The following GFRA1 variants were observed in gnomAD, a reference collection of about 807,000 sequenced individuals.
The protein encoded by GFRA1 is GDNF family receptor alpha 1.
In GFRA1, 16 loss-of-function variants were observed where a neutral mutation model predicts 51.6. That is an observed-to-expected ratio of 0.31 (90% CI 0.21 to 0.47). GFRA1 has a LOEUF of 0.47. Among genes scored for constraint, GFRA1 ranks in the 20% least tolerant of loss-of-function variants. GFRA1 has a pLI of 1.00. For missense variants in GFRA1, 530 were observed against 594.3 expected, an observed-to-expected ratio of 0.89 and a Z score of 1.13; for synonymous variants, 270 against 241.3, an observed-to-expected ratio of 1.12 and a Z score of -1.10.
intron 5 of GFRA1, among the ~76,000 whole-genome samples, chr10:116,197,806 G>A (rs1964013563): frequency 6.6e-6 from 1 of 152,198 alleles, no homozygotes; most frequent in Non-Finnish European, 1.5e-5. Context: ...CTCTGAGGAT[G>A]TGACTGCCTA....
intron 4 of GFRA1, among the ~76,000 whole-genome samples, chr10:116,231,500 G>A (rs1159289403): frequency 6.6e-6 from 1 of 152,140 alleles, no homozygotes; most frequent in African/African-American, 2.4e-5. Context: ...ATCTCATTTT[G>A]AATTCAAATT....
intron 4 of GFRA1, among the ~76,000 whole-genome samples, chr10:116,262,938 G>C (rs1441831878): frequency 6.6e-6 from 1 of 152,134 alleles, no homozygotes; most frequent in Non-Finnish European, 1.5e-5. Flanking sequence ...CTTAAGCACA[G>C]GAAAAGCTCC....
chr10:116,086,273 C>T (rs1445636031), intron 9 of GFRA1, among the ~76,000 whole-genome samples: 2 of 152,260 alleles, frequency 1.3e-5, no homozygotes, highest in South Asian at 2.1e-4. Flanking sequence ...AACACCCCAC[C>T]CCCAAGGAAG....
intron 5 of GFRA1, among the ~76,000 whole-genome samples, chr10:116,148,065 TGC>T (rs1309859656): frequency 1.1e-4 from 10 of 94,014 alleles, no homozygotes; most frequent in Non-Finnish European, 2.2e-4. Context: ...CATGTGTGCA[TGC>T]GTGTGTGCAT....
intron 5 of GFRA1, among the ~76,000 whole-genome samples, chr10:116,133,165 A>T (rs539004121): frequency 1.6e-4 from 24 of 152,060 alleles, no homozygotes; most frequent in Non-Finnish European, 3.2e-4. Context: ...GGGGGAGTGC[A>T]TATGCGAGTG....
chr10:116,188,554 C>A (rs541796352), intron 5 of GFRA1, among the ~76,000 whole-genome samples: 3 of 152,146 alleles, frequency 2.0e-5, no homozygotes, highest in Admixed American at 6.5e-5. Flanking sequence ...GATGGCTGCA[C>A]AACAATGTGA....
chr10:116,149,516 T>TC (rs533180135), intron 5 of GFRA1, among the ~76,000 whole-genome samples: 1 of 152,002 alleles, frequency 6.6e-6, no homozygotes, highest in Non-Finnish European at 1.5e-5. Flanking sequence ...GAAGATACAT[T>TC]CCCCCCTGTA....
intron 6 of GFRA1, among the ~76,000 whole-genome samples, chr10:116,098,426 A>G (rs1346303078): frequency 6.6e-6 from 1 of 152,256 alleles, no homozygotes; most frequent in Non-Finnish European, 1.5e-5. Flanking sequence ...GGAAATCCCT[A>G]AAGATGGCTC....
At chr10:116,177,271 A>G (rs1297364124) in intron 5 of GFRA1, among the ~76,000 whole-genome samples, 4 of 152,206 alleles carry the variant, frequency 2.6e-5, no homozygotes, top group Non-Finnish European at 5.9e-5. Context: ...GTGACGGTGT[A>G]GAAGACAGGA....
chr10:116,073,070 T>C (rs914981431), intron 9 of GFRA1, among the ~76,000 whole-genome samples: 4 of 152,298 alleles, frequency 2.6e-5, no homozygotes, highest in African/African-American at 7.2e-5. Context: ...TCATCTGTGA[T>C]TCCTCAGATT....
Position 116,069,115 on chromosome 10 carries a change from G to T in GFRA1, c.1198-3489C>A, listed in dbSNP as rs1284036385. On this transcript the variant is annotated intron_variant, in intron 9 of 10. Transcript: ENST00000355422. ...GAGAAATGCAGAGAGCCGAAAAAGA[G>T]CTCAGCCAGCCGGTACCTATGCAGA... is the stretch of plus-strand genomic sequence containing the variant. Among the ~76,000 whole-genome samples, 6 of 152,102 alleles carry T rather than the reference G, an allele frequency of 3.9e-5. No homozygotes were observed. The East Asian group carries it at 1.2e-3, about 29-fold the overall frequency.
chr10:116,100,890 T>G (rs538034520), intron 6 of GFRA1, among the ~76,000 whole-genome samples: 1 of 152,116 alleles, frequency 6.6e-6, no homozygotes, highest in African/African-American at 2.4e-5. Flanking sequence ...AGTCAAAACT[T>G]CGGACTGGAG....
At chr10:116,196,839 A>G (rs1368735125) in intron 5 of GFRA1, among the ~76,000 whole-genome samples, 1 of 79,642 alleles carries the variant, frequency 1.3e-5, no homozygotes, top group African/African-American at 4.2e-5. Context: ...ATAAATATAT[A>G]TATATATATT....
At chr10:116,224,459 G>A (rs1470280949) in intron 4 of GFRA1, among the ~76,000 whole-genome samples, 3 of 152,124 alleles carry the variant, frequency 2.0e-5, no homozygotes, top group African/African-American at 4.8e-5. Flanking sequence ...ATCAACTGAC[G>A]AATGGATAAA....
intron 5 of GFRA1, among the ~76,000 whole-genome samples, chr10:116,158,734 A>T (rs11197558): frequency 0.18 from 27,899 of 152,192 alleles, 3,001 homozygotes; most frequent in Admixed American, 0.29. Context: ...TGCAAGAGGT[A>T]CTCACAGTGG....
At chr10:116,269,620 A>G in intron 3 of GFRA1, 34 bp from the exon 4 acceptor site, 1 of 1,260,894 alleles carries the variant, frequency 7.9e-7, no homozygotes, top group East Asian at 2.3e-5. Flanking sequence ...CTCAGATCAG[A>G]AAAACATATA....
chr10:116,146,575 C>T (rs997492106), intron 5 of GFRA1, among the ~76,000 whole-genome samples: 1 of 152,196 alleles, frequency 6.6e-6, no homozygotes, highest in African/African-American at 2.4e-5. Flanking sequence ...TGAGTCAGCA[C>T]CATAGACAGT....
chr10:116,096,959 C>T (rs1956619116), intron 6 of GFRA1, among the ~76,000 whole-genome samples, 195 bp from the exon 7 acceptor site: 1 of 152,088 alleles, frequency 6.6e-6, no homozygotes, highest in Admixed American at 6.6e-5. Context: ...CTTTCTCATT[C>T]AACCCCCTCA....
chr10:116,228,826 C>CA (rs1966491415), intron 4 of GFRA1, among the ~76,000 whole-genome samples: 1 of 151,518 alleles, frequency 6.6e-6, no homozygotes, highest in Non-Finnish European at 1.5e-5. Context: ...ACTAAAAATA[C>CA]AAAAAATTAG....
Sources: gnomAD v4.1 joint callset for allele counts (sites outside exome capture counted in the v4.1 genomes callset) on GRCh38, gnomAD v4.1.1 for gene constraint, MANE v1.5 for transcripts, NCBI Gene and HGNC (gene_info 2026-07-23, HGNC 2026-07-21) for gene names.